PLAT: variants seen among roughly 807,000 people sequenced by gnomAD.
PLAT encodes tissue-type plasminogen activator.
PLAT carries 48 observed loss-of-function variants against 74.9 expected under a neutral mutation model. That is an observed-to-expected ratio of 0.64 (90% CI 0.51 to 0.82). The LOEUF (loss-of-function observed/expected upper bound fraction) is 0.82. Ranked by LOEUF, PLAT falls within the 40% of genes least tolerant of loss-of-function variation. The pLI is 0.00. For synonymous variants in PLAT, 307 were observed against 294.4 expected, an observed-to-expected ratio of 1.04 and a Z score of -0.44; for missense variants, 673 against 736.2, an observed-to-expected ratio of 0.91 and a Z score of 0.99.
rs1805295519 is a variant in PLAT, at chr8:42,182,699, C to T, written c.803+20G>A. The T allele has an allele frequency of 6.3e-7, 1 of 1,583,698 alleles. No homozygotes were observed. Among genetic ancestry groups the T allele is most frequent in the Non-Finnish European group, 8.6e-7 (1 of 1,163,758 alleles). ...CCACGTTCTGCCAAGACCTGAACCC[C>T]CCACCCCTGTGCTACCTACCGGCAG... On this transcript the variant is annotated intron_variant, in intron 8 of 13. Transcript: ENST00000220809.
intron 1 of PLAT, among the ~76,000 whole-genome samples, chr8:42,199,928 C>T (rs930781855): frequency 1.3e-5 from 2 of 152,214 alleles, no homozygotes; most frequent in African/African-American, 4.8e-5. Context: ...AACATCACCA[C>T]AAGGTAATTA....
chr8:42,194,241 AGTGTGTGTGTGTGTGTGT>A (rs36208802), intron 1 of PLAT, among the ~76,000 whole-genome samples: 1 of 52,544 alleles, frequency 1.9e-5, no homozygotes, highest in Admixed American at 2.6e-4. Flanking sequence ...AGAGAGAGAG[AGTGTGTGTGTGTGTGTGT>A]GTGTGTGTGT....
intron 1 of PLAT, among the ~76,000 whole-genome samples, chr8:42,196,570 C>T (rs1343591136): frequency 1.3e-5 from 2 of 152,100 alleles, no homozygotes; most frequent in African/African-American, 2.4e-5. Flanking sequence ...AAGAGGTGGG[C>T]GTCGAGGTCT....
chr8:42,189,375 A>G (rs1805603148), intron 3 of PLAT, among the ~76,000 whole-genome samples: 1 of 151,608 alleles, frequency 6.6e-6, no homozygotes, highest in Non-Finnish European at 1.5e-5. Flanking sequence ...AAAATGAGCC[A>G]GGCATGGTGG....
intron 1 of PLAT, among the ~76,000 whole-genome samples, chr8:42,199,448 G>T (rs952984248): frequency 1.3e-5 from 2 of 152,150 alleles, no homozygotes; most frequent in Non-Finnish European, 2.9e-5. Context: ...GTCTTCAAAA[G>T]AATAGAATAT....
At chr8:42,205,064 A>G (rs1461666537) in intron 1 of PLAT, among the ~76,000 whole-genome samples, 2 of 152,186 alleles carry the variant, frequency 1.3e-5, no homozygotes, top group Non-Finnish European at 2.9e-5. Flanking sequence ...TTTACCCACA[A>G]GGAAACTCCT....
intron 13 of PLAT, among the ~76,000 whole-genome samples, chr8:42,176,922 G>A (rs918024363): frequency 2.0e-5 from 3 of 151,946 alleles, no homozygotes; most frequent in African/African-American, 4.8e-5. Flanking sequence ...GTTTGCTGAT[G>A]TTTTTATGAC....
In PLAT at chr8:42,178,899, G is replaced by C. The variant is rs1405819115; in HGVS notation, c.1528C>G (p.Gln510Glu). 1 of 1,612,976 alleles carries C rather than the reference G, an allele frequency of 6.2e-7. No homozygotes were observed. The highest frequency in any genetic ancestry group is 1.3e-5 in the African/African-American group (1 of 75,034). The stretch of plus-strand genomic sequence containing the variant: ...ATGGGCGCGCCACTCCTGGTTACCT[G>C]GCAGGCGTCGTGCAAGTTTGCCTGG... ...GPQANLHDAC[Q>E]GDSGGPLVCL... Residue 510 changes from glutamine (Q) to glutamate (E), a missense_variant and splice_region_variant, in exon 13 of 14, where the codon CAG becomes GAG. By Grantham distance (29) the Gln-to-Glu change is conservative. Coordinates refer to ENST00000220809, the MANE Select transcript of PLAT (RefSeq NM_000930.5).
At chr8:42,206,165 A>AT (rs1007531835) in intron 1 of PLAT, among the ~76,000 whole-genome samples, 5 of 152,356 alleles carry the variant, frequency 3.3e-5, no homozygotes, top group African/African-American at 9.6e-5. Flanking sequence ...GAGAAGGAGC[A>AT]TTTTGGAGAC....
At position 42,189,043 on chromosome 8, in the gene PLAT, C is replaced by T. The variant is rs756298909; in HGVS notation, c.144G>A (p.Met48Ile). The T allele has an allele frequency of 7.4e-6, 12 of 1,613,890 alleles. No individual in the cohort carries two copies. The highest frequency in any genetic ancestry group is 1.0e-5 in the Non-Finnish European group (12 of 1,179,892). The change falls in exon 4 of 14, where the codon ATG becomes ATA. Residue 48 changes from methionine (M) to isoleucine (I), a missense_variant. Physicochemically the swap from Met to Ile is conservative, Grantham distance 10. Coordinates refer to ENST00000220809, the MANE Select transcript of PLAT (RefSeq NM_000930.5). ...QVICRDEKTQ[M>I]IYQQHQSWLR... ...GCCATGACTGATGTTGCTGGTATAT[C>T]ATCTGCGTTTTTTCATCTCTGCAGA...
Position 42,176,111 on chromosome 8 carries a change from C to A in PLAT, c.1571G>T (p.Arg524Leu), listed in dbSNP as rs201967222. The stretch of plus-strand genomic sequence containing the variant: ...GCTGATGATGCCCACCAAAGTCATG[C>A]GGCCATCGTTCAGACACACCAGGGG... ...GGPLVCLNDGRMTLVGIISWG... is the reference protein window; with the variant it reads ...GGPLVCLNDGLMTLVGIISWG... The change falls in exon 14 of 14, where the codon CGC (arginine) becomes CTC (leucine). Residue 524 changes from arginine (R) to leucine (L), a missense_variant. Arg to Leu is a moderately radical substitution (Grantham distance 102). Transcript: ENST00000220809. 3 of 1,613,624 alleles carry A rather than the reference C, an allele frequency of 1.9e-6. No homozygotes were observed. Among genetic ancestry groups the A allele is most frequent in the Non-Finnish European group, 2.5e-6 (3 of 1,179,718 alleles).
chr8:42,183,147 G>A (rs573967655), intron 7 of PLAT, among the ~76,000 whole-genome samples: 2 of 152,282 alleles, frequency 1.3e-5, no homozygotes, highest in African/African-American at 2.4e-5. Context: ...GGGGTTACAG[G>A]CATGCGCCAC....
chr8:42,192,999 C>T (rs1382453246), intron 2 of PLAT, 115 bp downstream of exon 2: 5 of 721,602 alleles, frequency 6.9e-6, no homozygotes, highest in Non-Finnish European at 9.9e-6. Flanking sequence ...GTCCCTGTGC[C>T]TCTCTGCTCC....
chr8:42,179,780 C>T (rs1805137683), intron 12 of PLAT, 146 bp downstream of exon 12: 5 of 780,372 alleles, frequency 6.4e-6, no homozygotes, highest in South Asian at 3.9e-5. Flanking sequence ...CAGAGACGGG[C>T]CCCCACGACA....
chr8:42,176,987 TTGTTTTGAGACAGAGTCTCACTC>T (rs1277172011), intron 13 of PLAT, among the ~76,000 whole-genome samples: 1 of 152,208 alleles, frequency 6.6e-6, no homozygotes, highest in African/African-American at 2.4e-5. Flanking sequence ...TTTTGTTTTT[TTGTTTTGAGACAGAGTCTCACTC>T]TGTCACCCAC....
rs996999092 is a variant in PLAT, at chr8:42,175,940, TGAA to T, written c.*50_*52del. The stretch of plus-strand genomic sequence containing the variant: ...AGCACTGCGCCTTTGCAGTGTCTTC[TGAA>T]GAAGAAGAGGCGGGATCTCATTTGC... On this transcript the variant is annotated 3_prime_UTR_variant, in exon 14 of 14. Transcript: ENST00000220809. 9 of 1,593,490 alleles carry T rather than the reference TGAA, an allele frequency of 5.6e-6. No homozygotes were observed. Among genetic ancestry groups the T allele is most frequent in the African/African-American group, 4.0e-5 (3 of 74,646 alleles).
intron 12 of PLAT, 64 bp from the exon 13 acceptor site, chr8:42,179,127 A>G: frequency 7.9e-7 from 1 of 1,271,006 alleles, no homozygotes; most frequent in East Asian, 2.3e-5. Context: ...TTGAAAGAGA[A>G]AGCCAAATTT....
intron 1 of PLAT, among the ~76,000 whole-genome samples, chr8:42,200,647 A>G (rs957385445): frequency 3.0e-4 from 43 of 143,408 alleles, no homozygotes; most frequent in African/African-American, 1.1e-3. Flanking sequence ...ACTGCACTCC[A>G]GCTTGAGACA....
chr8:42,183,191 C>T (rs1372962273), intron 7 of PLAT, among the ~76,000 whole-genome samples: 2 of 152,138 alleles, frequency 1.3e-5, no homozygotes, highest in Non-Finnish European at 2.9e-5. Context: ...TTAGTTGAGA[C>T]AGGGTTTCAC....
Sources: gnomAD v4.1 joint callset for allele counts (sites outside exome capture counted in the v4.1 genomes callset) on GRCh38, gnomAD v4.1.1 for gene constraint, MANE v1.5 for transcripts, NCBI Gene and HGNC (gene_info 2026-07-23, HGNC 2026-07-21) for gene names.